The following SEC14L5 variants were observed in gnomAD, a reference collection of about 807,000 sequenced individuals.
SEC14L5 encodes SEC14-like protein 5.
Under a neutral mutation model 84.6 loss-of-function variants are expected in SEC14L5, and 96 were observed. The observed-to-expected ratio is 1.13, with a 90% CI of 0.96 to 1.34. The LOEUF (loss-of-function observed/expected upper bound fraction) is 1.34. Among genes scored for constraint, SEC14L5 ranks in the 40% most tolerant of loss-of-function variants. SEC14L5 has a pLI of 0.00. For synonymous variants in SEC14L5, 546 were observed against 383.4 expected (o/e 1.42, Z -4.95); for missense variants, 1,224 against 942.5 (o/e 1.30, Z -3.91).
intron 2 of SEC14L5, among the ~76,000 whole-genome samples, chr16:4,978,581 G>C (rs1021579707): frequency 4.7e-5 from 7 of 148,162 alleles, no homozygotes; most frequent in Non-Finnish European, 8.9e-5. Context: ...ACCACACTTG[G>C]GTAATTTTCT....
chr16:5,007,469 C>T lies in SEC14L5; in HGVS notation c.1555C>T (p.Arg519Cys), dbSNP rs200260160. The change falls in exon 13 of 16, where the codon CGC (arginine) becomes TGC (cysteine). Residue 519 changes from arginine (R) to cysteine (C), a missense_variant. Transcript: ENST00000251170. The stretch of plus-strand genomic sequence containing the variant: ...GACCTACCATTCAGCCAGCGTGCTC[C>T]GCGGAGCCCCCCACGAGGTGCCAGG... ...SETYHSASVL[R>C]GAPHEVAVEI... is the part of the protein sequence containing the mutation. The T allele has an allele frequency of 1.1e-4, 185 of 1,613,504 alleles. No individual in the cohort carries two copies. The East Asian group carries it at 2.7e-3, about 23-fold the overall frequency.
intron 2 of SEC14L5, among the ~76,000 whole-genome samples, chr16:4,976,132 C>T (rs116226075): frequency 0.014 from 2,181 of 152,282 alleles, 76 homozygotes; most frequent in African/African-American, 0.05. Context: ...GTAGAATGAA[C>T]CATGTGCCAG....
chr16:4,997,849 C>T (rs1012242991), intron 8 of SEC14L5, among the ~76,000 whole-genome samples: 5 of 151,992 alleles, frequency 3.3e-5, no homozygotes, highest in Non-Finnish European at 7.4e-5. Flanking sequence ...CTCTGCCTCT[C>T]TCTTCACATG....
chr16:5,002,092 G>C (rs1955683788), intron 10 of SEC14L5, among the ~76,000 whole-genome samples: 1 of 152,178 alleles, frequency 6.6e-6, no homozygotes, highest in African/African-American at 2.4e-5. Flanking sequence ...TTTACAAATG[G>C]ATTCTCAAAA....
At position 4,996,410 on chromosome 16, in the gene SEC14L5, A is replaced by G; in HGVS notation, c.730A>G (p.Ser244Gly). ...CLGHLTPMQE[S>G]CLIQLRHWLQ... ...GGGCCACCTCACGCCCATGCAGGAGAGCTGCCTGATCCAGCTTCGGCACTG... is the reference window on the plus strand; with the variant it reads ...GGGCCACCTCACGCCCATGCAGGAGGGCTGCCTGATCCAGCTTCGGCACTG... The change falls in exon 7 of 16, where the codon AGC becomes GGC. Residue 244 changes from serine (S) to glycine (G), a missense_variant. Coordinates refer to ENST00000251170, the MANE Select transcript of SEC14L5 (RefSeq NM_014692.2). 1 of 1,574,616 alleles carries G rather than the reference A, an allele frequency of 6.4e-7. No individual in the cohort carries two copies.
At chr16:5,011,034 A>G in intron 14 of SEC14L5, 61 bp from the exon 15 acceptor site, 1 of 1,490,870 alleles carries the variant, frequency 6.7e-7, no homozygotes, top group Non-Finnish European at 9.1e-7. Flanking sequence ...ATGAAGGCTC[A>G]GCCTCCTTGA....
rs748877589 is a variant in SEC14L5 at position 4,991,960 on chromosome 16, C to A, written c.597C>A (p.Asp199Glu). 1.3e-6 allele frequency: 2 copies of A among 1,594,890 alleles called. No homozygotes were observed. The highest frequency in any genetic ancestry group is 1.7e-5 in the Admixed American group (1 of 58,462). The change falls in exon 6 of 16, where the codon GAC becomes GAA. Residue 199 changes from aspartate (D) to glutamate (E), a missense_variant. Coordinates refer to ENST00000251170, the MANE Select transcript of SEC14L5 (RefSeq NM_014692.2). ...CCCGCAACCAGGCTGGACCGAGGGACCCCAGCTCCCTGGAGGCCCACGGGC... is the reference window on the plus strand; with the variant it reads ...CCCGCAACCAGGCTGGACCGAGGGAACCCAGCTCCCTGGAGGCCCACGGGC... ...EDARNQAGPR[D>E]PSSLEAHGPR...
chr16:4,986,613 C>T (rs767636894), intron 2 of SEC14L5, among the ~76,000 whole-genome samples: 2 of 152,160 alleles, frequency 1.3e-5, no homozygotes, highest in African/African-American at 2.4e-5. Flanking sequence ...AATCTGTAGA[C>T]TAGTTGGGGA....
chr16:5,007,419 C>G lies in SEC14L5; in HGVS notation c.1505C>G (p.Thr502Arg), dbSNP rs781428450. 6.2e-7 allele frequency: 1 copy of G among 1,613,672 alleles called. No individual in the cohort carries two copies. Among genetic ancestry groups the G allele is most frequent in the Non-Finnish European group, 8.5e-7 (1 of 1,179,686 alleles). Reference protein sequence around the residue: ...LYMTEEEQEHTDQLWQWSETY... With the variant: ...LYMTEEEQEHRDQLWQWSETY... ...ATGACAGAAGAGGAGCAGGAGCACA[C>G]GGACCAGCTGTGGCAGTGGAGTGAG... Residue 502 changes from threonine (T) to arginine (R), a missense_variant, in exon 13 of 16, where the codon ACG becomes AGG. By Grantham distance (71) the Thr-to-Arg change is moderately conservative (BLOSUM62 -1). Transcript: ENST00000251170.
At position 5,007,458 on chromosome 16, in the gene SEC14L5, C is replaced by T. The variant is rs1955743977; in HGVS notation, c.1544C>T (p.Ala515Val). The change falls in exon 13 of 16, where the codon GCC becomes GTC. Residue 515 changes from alanine (A) to valine (V), a missense_variant. Ala to Val is a moderately conservative substitution (Grantham distance 64). Transcript: ENST00000251170. ...CAGTGGAGTGAGACCTACCATTCAGCCAGCGTGCTCCGCGGAGCCCCCCAC... is the reference window on the plus strand; with the variant it reads ...CAGTGGAGTGAGACCTACCATTCAGTCAGCGTGCTCCGCGGAGCCCCCCAC... ...LWQWSETYHS[A>V]SVLRGAPHEV... is the part of the protein sequence containing the mutation. 6.2e-7 allele frequency: 1 copy of T among 1,613,644 alleles called. No homozygotes were observed. Among genetic ancestry groups the T allele is most frequent in the African/African-American group, 1.3e-5 (1 of 74,948 alleles).
intron 2 of SEC14L5, chr16:4,960,729 A>C (rs1318274850): frequency 6.6e-6 from 1 of 152,106 alleles, no homozygotes; most frequent in Non-Finnish European, 1.5e-5. Flanking sequence ...TGGCTTCCAA[A>C]TCCTGGTGTC....
chr16:5,010,431 CT>C (rs1955786756), intron 14 of SEC14L5, among the ~76,000 whole-genome samples: 1 of 152,142 alleles, frequency 6.6e-6, no homozygotes, highest in Non-Finnish European at 1.5e-5. Flanking sequence ...TGAGCTGCCC[CT>C]GTTGATCCCC....
intron 2 of SEC14L5, among the ~76,000 whole-genome samples, chr16:4,982,418 GCC>G (rs573368501): frequency 4.6e-5 from 7 of 152,126 alleles, no homozygotes; most frequent in Non-Finnish European, 1.0e-4. Context: ...CCTGACCCTG[GCC>G]CTTCTAGAAC....
rs1219659888 is a variant in SEC14L5 at position 5,017,785 on chromosome 16, G to A, written c.*2815G>A. The A allele has an allele frequency of 2.0e-5, 3 of 148,320 alleles. No homozygotes were observed. Among genetic ancestry groups the A allele is most frequent in the Non-Finnish European group, 4.5e-5 (3 of 66,592 alleles). 9.2% of individuals were successfully genotyped at this position (148,320 alleles called of 1,614,324 possible). On this transcript the variant is annotated 3_prime_UTR_variant, in exon 16 of 16. Transcript: ENST00000251170. ...ATGTGGAGGTCTCGGGGACCCACGTGGAAGCATTATCAAGGTCATTCTTCT... is the reference window on the plus strand; with the variant it reads ...ATGTGGAGGTCTCGGGGACCCACGTAGAAGCATTATCAAGGTCATTCTTCT...
Position 4,991,967 on chromosome 16 carries a change from T to A in SEC14L5, c.604T>A (p.Ser202Thr), listed in dbSNP as rs748403333. Residue 202 changes from serine (S) to threonine (T), a missense_variant, in exon 6 of 16, where the codon TCC (serine) becomes ACC (threonine). Ser to Thr is a moderately conservative substitution (Grantham distance 58). Transcript: ENST00000251170. ...CCAGGCTGGACCGAGGGACCCCAGCTCCCTGGAGGCCCACGGGCCCCGTAG... is the reference window on the plus strand; with the variant it reads ...CCAGGCTGGACCGAGGGACCCCAGCACCCTGGAGGCCCACGGGCCCCGTAG... Reference protein sequence around the residue: ...RNQAGPRDPSSLEAHGPRSTL... With the variant: ...RNQAGPRDPSTLEAHGPRSTL... 6.3e-7 allele frequency: 1 copy of A among 1,593,098 alleles called. No homozygotes were observed. The highest frequency in any genetic ancestry group is 8.5e-7 in the Non-Finnish European group (1 of 1,174,102).
chr16:5,005,930 A>C lies in SEC14L5; in HGVS notation c.1319A>C (p.Asn440Thr), dbSNP rs368032929. 6.2e-7 allele frequency: 1 copy of C among 1,600,660 alleles called. No individual in the cohort carries two copies. The highest frequency in any genetic ancestry group is 1.1e-5 in the South Asian group (1 of 89,004). The change falls in exon 12 of 16, where the codon AAT (asparagine) becomes ACT (threonine). Residue 440 changes from asparagine (N) to threonine (T), a missense_variant. Physicochemically the swap from Asn to Thr is moderately conservative, Grantham distance 65 (BLOSUM62 0). Coordinates refer to ENST00000251170, the MANE Select transcript of SEC14L5 (RefSeq NM_014692.2). ...VLWTLISPFI[N>T]ENTRRKFLIY... is the part of the protein sequence containing the mutation. ...TGGTTTCAGATCAGCCCCTTCATCAATGAGAACACCAGGCGGAAGTTCCTC... is the reference window on the plus strand; with the variant it reads ...TGGTTTCAGATCAGCCCCTTCATCACTGAGAACACCAGGCGGAAGTTCCTC...
intron 2 of SEC14L5, among the ~76,000 whole-genome samples, chr16:4,979,272 C>G (rs1458955080): frequency 2.6e-5 from 4 of 152,172 alleles, no homozygotes; most frequent in African/African-American, 9.7e-5. Flanking sequence ...GATCAAGGCA[C>G]TGTTTGGTTC....
chr16:4,987,926 C>G (rs1195510037), intron 3 of SEC14L5, among the ~76,000 whole-genome samples: 1 of 148,070 alleles, frequency 6.8e-6, no homozygotes, highest in Non-Finnish European at 1.5e-5. Context: ...GGGAACTGGG[C>G]GGGGTTCGCG....
In SEC14L5 at chr16:4,988,263, G is replaced by T. The variant is rs1164152095; in HGVS notation, c.328G>T (p.Glu110Ter). 6.2e-7 allele frequency: 1 copy of T among 1,613,726 alleles called. No individual in the cohort carries two copies. Among genetic ancestry groups the T allele is most frequent in the South Asian group, 1.1e-5 (1 of 91,056 alleles). ...ETFANRVVVN[E>*]HCSYTVHPEN... ...CTTCGCCAACCGCGTGGTGGTGAAC[G>T]AGCACTGCAGCTACACGGTGAGCCC... The change falls in exon 4 of 16, where the codon GAG becomes TAG. Residue 110 changes from glutamate (E) to a stop codon, truncating the protein, a stop_gained. Coordinates refer to ENST00000251170, the MANE Select transcript of SEC14L5 (RefSeq NM_014692.2). LOFTEE classifies it high-confidence loss of function.
Sources: allele counts gnomAD v4.1 joint callset (sites outside exome capture counted in the v4.1 genomes callset), GRCh38; gene constraint gnomAD v4.1.1; transcripts MANE v1.5; gene names NCBI Gene and HGNC (gene_info 2026-07-23, HGNC 2026-07-21).